Variants in MPC1 observed in about 807,000 individuals in gnomAD.
MPC1 encodes mitochondrial pyruvate carrier 1.
A neutral mutation model predicts 13.9 loss-of-function variants in MPC1; 6 were observed. That is an observed-to-expected ratio of 0.43 (90% confidence interval 0.24 to 0.85). The LOEUF is 0.85. MPC1 is among the 40% of genes least tolerant of loss of function. The pLI, the probability that MPC1 is intolerant of heterozygous loss-of-function variation, is 0.24. For missense variants in MPC1, 115 were observed against 143.3 expected (o/e 0.80, Z 1.01); for synonymous variants, 47 against 50.5 (o/e 0.93, Z 0.29).
intron 1 of MPC1, among the ~76,000 whole-genome samples, chr6:166,373,207 C>T (rs1346626229): frequency 2.6e-5 from 4 of 152,130 alleles, no homozygotes; most frequent in Admixed American, 6.5e-5. Flanking sequence ...TGCTGTACAT[C>T]GTGTGGGTTT....
At chr6:166,381,970 G>C (rs1779800794) in intron 1 of MPC1, 1 of 291,494 alleles carries the variant, frequency 3.4e-6, no homozygotes, top group African/African-American at 2.3e-5. Flanking sequence ...ACAGCGCCGC[G>C]CCGCGCTCTC....
chr6:166,367,902 C>T (rs1779222334), intron 2 of MPC1, among the ~76,000 whole-genome samples: 1 of 151,934 alleles, frequency 6.6e-6, no homozygotes, highest in African/African-American at 2.4e-5. Flanking sequence ...AGTGGTAAAC[C>T]AAGGGAAATA....
At chr6:166,369,843 G>A (rs554247830) in intron 2 of MPC1, among the ~76,000 whole-genome samples, 4 of 152,360 alleles carry the variant, frequency 2.6e-5, no homozygotes, top group African/African-American at 9.6e-5. Context: ...CATCTCCTGT[G>A]TGAAAATCAA....
intron 2 of MPC1, chr6:166,369,573 T>A (rs1180661926): frequency 1.8e-5 from 3 of 163,498 alleles, no homozygotes; most frequent in African/African-American, 7.2e-5. Flanking sequence ...ATTTTAACAC[T>A]AGTTTACTAA....
rs1779102516 is a variant in MPC1 at position 166,365,144 on chromosome 6, C to T, written c.*285G>A. On this transcript the variant is annotated 3_prime_UTR_variant, in exon 5 of 5. Coordinates refer to ENST00000360961, the MANE Select transcript of MPC1 (RefSeq NM_016098.4). This position sits in a 1 kb window ranked among gnomAD's most constrained non-coding sequence, Gnocchi z 4.2. ...TCTTCAGTTTTTCATTAAGTAAATT[C>T]TAATAGATGATATACATATTACTGC... The T allele has an allele frequency of 3.6e-6, 1 of 279,456 alleles. No homozygotes were observed. The highest frequency in any genetic ancestry group is 6.6e-6 in the Non-Finnish European group (1 of 152,268). The allele number at this position is 279,456 out of a possible 1,614,324, so 17.3% of individuals were successfully genotyped here.
chr6:166,373,625 C>A (rs568435235), intron 1 of MPC1, among the ~76,000 whole-genome samples: 1 of 152,290 alleles, frequency 6.6e-6, no homozygotes, highest in South Asian at 2.1e-4. Flanking sequence ...AAGGGTTCAA[C>A]TCCTAGGGGT....
rs545643397 is a variant in MPC1 at position 166,380,914 on chromosome 6, G to A, written c.71+1892C>T. Among the ~76,000 whole-genome samples the A allele has an allele frequency of 1.4e-4, 20 of 142,768 alleles. No homozygotes were observed. The East Asian group carries it at 3.0e-3, about 22-fold the overall frequency. The allele number at this position is 142,768 out of a possible 152,430, so 93.7% of individuals were successfully genotyped here. A position where few individuals can be genotyped will look rare whatever the true frequency, so the allele number is the denominator to read the frequency against. Reference sequence around the variant, plus strand: ...AAATAGTGCCAGTGCACTCCAGCCTGGGCAACAAGAGACAAACTCTGTCTC... The same window carrying A: ...AAATAGTGCCAGTGCACTCCAGCCTAGGCAACAAGAGACAAACTCTGTCTC... On this transcript the variant is annotated intron_variant, in intron 1 of 4. Coordinates refer to ENST00000360961, the MANE Select transcript of MPC1 (RefSeq NM_016098.4).
intron 1 of MPC1, among the ~76,000 whole-genome samples, chr6:166,374,771 G>T (rs1238291878): frequency 6.6e-6 from 1 of 152,080 alleles, no homozygotes; most frequent in Non-Finnish European, 1.5e-5. Context: ...GTCTACTTCC[G>T]GGCACTTTAT....
intron 1 of MPC1, among the ~76,000 whole-genome samples, chr6:166,371,059 A>G (rs1362163299): frequency 6.6e-6 from 1 of 152,198 alleles, no homozygotes; most frequent in East Asian, 1.9e-4. Flanking sequence ...ATTTCAGGTG[A>G]TCAGTAGCCA....
chr6:166,376,185 T>G (rs1779565461), intron 1 of MPC1, among the ~76,000 whole-genome samples: 1 of 151,818 alleles, frequency 6.6e-6, no homozygotes, highest in South Asian at 2.1e-4. Flanking sequence ...TGTGTATATA[T>G]ATATAATTTT....
chr6:166,376,120 T>C (rs896251460), intron 1 of MPC1, among the ~76,000 whole-genome samples: 2 of 152,136 alleles, frequency 1.3e-5, no homozygotes, highest in Non-Finnish European at 1.5e-5. Flanking sequence ...ACAGAACTAA[T>C]AGAAGATGTA....
intron 2 of MPC1, 107 bp downstream of exon 2, chr6:166,370,111 C>G (rs543032256): frequency 1.3e-6 from 1 of 770,528 alleles, no homozygotes; most frequent in Non-Finnish European, 2.4e-6. Context: ...CCAGCCATGG[C>G]GGCTAGAAAG....
intron 1 of MPC1, among the ~76,000 whole-genome samples, chr6:166,382,416 C>T (rs898046201): frequency 1.3e-5 from 2 of 151,518 alleles, no homozygotes; most frequent in Non-Finnish European, 1.5e-5. Flanking sequence ...CTGAAGGGGA[C>T]TCAATGTCAC....
Position 166,382,001 on chromosome 6 carries a change from T to A in MPC1, c.71+805A>T, listed in dbSNP as rs1779802814. ...CTCTCAGCAGCGCCTCCCGCTGGCG[T>A]CTCCCCACCCCACACCCAGGTCGCC... On this transcript the variant is annotated intron_variant, in intron 1 of 4. Transcript: ENST00000360961. Among the ~76,000 whole-genome samples, 3 of 152,290 alleles carry A rather than the reference T, an allele frequency of 2.0e-5. No homozygotes were observed. In the South Asian group the frequency reaches 6.2e-4, roughly 32 times the overall value.
At chr6:166,380,223 T>C (rs1375507509) in intron 1 of MPC1, among the ~76,000 whole-genome samples, 2 of 152,124 alleles carry the variant, frequency 1.3e-5, no homozygotes, top group Non-Finnish European at 2.9e-5. Context: ...TGATTTGGAG[T>C]TTCCAAGTAT....
Position 166,370,658 on chromosome 6 carries a change from A to C in MPC1, c.72-437T>G, listed in dbSNP as rs139064675. 5.6e-3 allele frequency among the ~76,000 whole-genome samples: 846 copies of C among 152,280 alleles called. 10 individuals carry two copies. The highest frequency in any genetic ancestry group is 0.022 in the Admixed American group (340 of 15,306). On this transcript the variant is annotated intron_variant, in intron 1 of 4. Coordinates refer to ENST00000360961, the MANE Select transcript of MPC1 (RefSeq NM_016098.4). ...TGCTTGAGGCCAGGAATTCACTATT[A>C]ATCTGGGCAACATAGTGAGACCCCA...
intron 3 of MPC1, 85 bp from the exon 4 acceptor site, chr6:166,366,191 G>GC: frequency 7.0e-7 from 1 of 1,423,406 alleles, no homozygotes; most frequent in Non-Finnish European, 9.3e-7. Context: ...CAGTTCCATT[G>GC]CCCTGATCAA....
At chr6:166,372,019 A>G (rs1779399137) in intron 1 of MPC1, among the ~76,000 whole-genome samples, 1 of 152,192 alleles carries the variant, frequency 6.6e-6, no homozygotes, top group Non-Finnish European at 1.5e-5. Flanking sequence ...TATATCATTC[A>G]TATATATACA....
chr6:166,368,938 A>G, intron 2 of MPC1: 1 of 985,500 alleles, frequency 1.0e-6, no homozygotes, highest in Non-Finnish European at 1.2e-6. Flanking sequence ...ACCCAGGGCT[A>G]TAAACAGAGC....
Sources: gnomAD v4.1 joint callset for allele counts (sites outside exome capture counted in the v4.1 genomes callset) on GRCh38, gnomAD v4.1.1 for gene constraint, Gnocchi (gnomAD v3.1) non-coding constraint, MANE v1.5 for transcripts, NCBI Gene and HGNC (gene_info 2026-07-23, HGNC 2026-07-21) for gene names.